DCBLD1: variants seen among roughly 807,000 people sequenced by gnomAD.
DCBLD1 encodes discoidin, CUB and LCCL domain-containing protein 1.
Under a neutral mutation model 71.5 loss-of-function variants are expected in DCBLD1, and 57 were observed. The ratio of observed to expected loss-of-function variants is 0.80; its 90% confidence interval spans 0.64 to 0.99. The LOEUF is 0.99. Ranked by LOEUF, DCBLD1 falls within the 50% of genes least tolerant of loss-of-function variation. The pLI is 0.00. For synonymous variants in DCBLD1, 380 were observed against 363.8 expected (o/e 1.04, Z -0.51); for missense variants, 891 against 923.5 (o/e 0.96, Z 0.46).
intron 4 of DCBLD1, among the ~76,000 whole-genome samples, chr6:117,522,897 C>T (rs1186088435): frequency 1.3e-5 from 2 of 152,094 alleles, no homozygotes; most frequent in Non-Finnish European, 2.9e-5. Context: ...GTAAGTGTAG[C>T]CTGGGAGTCA....
chr6:117,512,132 C>A (rs1400805391), intron 2 of DCBLD1, among the ~76,000 whole-genome samples: 2 of 152,110 alleles, frequency 1.3e-5, no homozygotes, highest in Non-Finnish European at 2.9e-5. Flanking sequence ...TCCCTGGAGA[C>A]TCACTGTGAT....
rs188591508 is a variant in DCBLD1 at position 117,549,244 on chromosome 6, G to A, written c.*805G>A. ...ACCTCAGATTAAAAATATTGCTGAG[G>A]TCAGACGCCACAATTTTCATGACTT... On this transcript the variant is annotated 3_prime_UTR_variant, in exon 15 of 15. Coordinates refer to ENST00000338728, the MANE Select transcript of DCBLD1 (RefSeq NM_001366458.2). 4.1e-6 allele frequency: 4 copies of A among 985,392 alleles called. No individual in the cohort carries two copies. Among genetic ancestry groups the A allele is most frequent in the Non-Finnish European group, 4.8e-6 (4 of 829,920 alleles). 61.0% of individuals were successfully genotyped at this position (985,392 alleles called of 1,614,324 possible). A position where few individuals can be genotyped will look rare whatever the true frequency, so the allele number is the denominator to read the frequency against.
intron 11 of DCBLD1, 42 bp downstream of exon 11, chr6:117,541,067 G>A: frequency 6.3e-7 from 1 of 1,595,620 alleles, no homozygotes; most frequent in Non-Finnish European, 8.6e-7. Flanking sequence ...GAGCATAACT[G>A]GTAACCCACC....
chr6:117,503,852 T>C lies in DCBLD1; in HGVS notation c.198T>C (p.Thr66=), dbSNP rs775329526. The change falls in exon 2 of 15, where the codon ACT becomes ACC. Residue 66 remains threonine (T), a synonymous_variant. Transcript: ENST00000338728. ...KNYPGTYPNH[T]VCEKTITVPK... ...ATCCCGGGACCTACCCCAATCACAC[T>C]GTTTGCGAAAAGACAATTACAGTAC... 1.9e-6 allele frequency: 3 copies of C among 1,614,126 alleles called. No individual in the cohort carries two copies. The highest frequency in any genetic ancestry group is 2.5e-6 in the Non-Finnish European group (3 of 1,180,008).
At chr6:117,541,675 A>G (rs1216009034) in intron 11 of DCBLD1, among the ~76,000 whole-genome samples, 1 of 152,270 alleles carries the variant, frequency 6.6e-6, no homozygotes, top group Admixed American at 6.5e-5. Flanking sequence ...GAAAGATTAG[A>G]AAAACACAAA....
chr6:117,508,300 G>A (rs915402340), intron 2 of DCBLD1, among the ~76,000 whole-genome samples: 2 of 152,100 alleles, frequency 1.3e-5, no homozygotes, highest in African/African-American at 4.8e-5. Flanking sequence ...CATTTAAGAT[G>A]ACTGCCTTGG....
chr6:117,547,504 C>T (rs1779305106), intron 14 of DCBLD1: 1 of 485,960 alleles, frequency 2.1e-6, no homozygotes, highest in Non-Finnish European at 4.2e-6. Flanking sequence ...TCCTATTAAA[C>T]AAACTACTCT....
chr6:117,561,178 C>G (rs567438230), intron 14 of DCBLD1: 309 of 223,884 alleles, frequency 1.4e-3, no homozygotes, highest in African/African-American at 6.6e-3. Context: ...TTCTATTTAT[C>G]AGTCCTTAAA....
chr6:117,516,437 C>G (rs4946261), intron 2 of DCBLD1, among the ~76,000 whole-genome samples: 5,522 of 151,934 alleles, frequency 0.036, 228 homozygotes, highest in South Asian at 0.18. Flanking sequence ...AAGTGAACAT[C>G]TTTTATTTAG....
At chr6:117,550,263 A>G (rs938295299), downstream of DCBLD1, among the ~76,000 whole-genome samples, 1 of 151,490 alleles carries the variant, frequency 6.6e-6, no homozygotes, top group Admixed American at 6.6e-5. Flanking sequence ...TTTTTTTTGG[A>G]TCATCACTTC....
chr6:117,551,038 T>G (rs546296870), downstream of DCBLD1, among the ~76,000 whole-genome samples: 1 of 152,182 alleles, frequency 6.6e-6, no homozygotes, highest in South Asian at 2.1e-4. Flanking sequence ...CCACCCACAC[T>G]GCTGTGTTCA....
At chr6:117,504,653 C>G (rs1386044882) in intron 2 of DCBLD1, among the ~76,000 whole-genome samples, 2 of 152,192 alleles carry the variant, frequency 1.3e-5, no homozygotes, top group Non-Finnish European at 2.9e-5. Flanking sequence ...GTGCAAAGGT[C>G]AGTTTCCTAA....
At chr6:117,521,327 A>C (rs978427859) in intron 3 of DCBLD1, among the ~76,000 whole-genome samples, 198 bp from the exon 4 acceptor site, 3 of 152,250 alleles carry the variant, frequency 2.0e-5, no homozygotes, top group Non-Finnish European at 4.4e-5. Flanking sequence ...CATTGGTGGC[A>C]GAAAAAAGAA....
chr6:117,525,528 T>TA (rs1778521526), intron 5 of DCBLD1, 94 bp downstream of exon 5: 2 of 933,964 alleles, frequency 2.1e-6, no homozygotes, highest in Non-Finnish European at 3.0e-6. Flanking sequence ...AAATGAGATA[T>TA]AAAACTCTAG....
intron 14 of DCBLD1, among the ~76,000 whole-genome samples, chr6:117,546,303 A>T (rs746637107): frequency 8.5e-5 from 13 of 152,162 alleles, no homozygotes; most frequent in Non-Finnish European, 1.6e-4. Context: ...TCAGATACAT[A>T]GGACTCTGTG....
intron 2 of DCBLD1, among the ~76,000 whole-genome samples, chr6:117,519,558 C>CT (rs1368971168): frequency 2.0e-5 from 3 of 152,110 alleles, no homozygotes; most frequent in African/African-American, 7.2e-5. Flanking sequence ...AAAACAAAAC[C>CT]TATCTCTTGG....
At chr6:117,496,907 G>A (rs1039292918) in intron 1 of DCBLD1, among the ~76,000 whole-genome samples, 7 of 152,258 alleles carry the variant, frequency 4.6e-5, no homozygotes, top group African/African-American at 1.4e-4. Flanking sequence ...TTATGCATGT[G>A]TATGCATATG....
Position 117,543,160 on chromosome 6 carries a change from T to C in DCBLD1, c.1394T>C (p.Leu465Pro), listed in dbSNP as rs751978265. ...ACAACGGTGGCTATTCCATTGGTGCTCCTTGTTGTCCTGGTGTTTGCTGGA... is the reference window on the plus strand; with the variant it reads ...ACAACGGTGGCTATTCCATTGGTGCCCCTTGTTGTCCTGGTGTTTGCTGGA... ...NITTVAIPLV[L>P]LVVLVFAGMG... Residue 465 changes from leucine (L) to proline (P), a missense_variant, in exon 12 of 15, where the codon CTC (leucine) becomes CCC (proline). Physicochemically the swap from Leu to Pro is moderately conservative, Grantham distance 98. Coordinates refer to ENST00000338728, the MANE Select transcript of DCBLD1 (RefSeq NM_001366458.2). 1.2e-6 allele frequency: 2 copies of C among 1,614,050 alleles called. No homozygotes were observed. The highest frequency in any genetic ancestry group is 2.2e-5 in the East Asian group (1 of 44,886).
intron 2 of DCBLD1, among the ~76,000 whole-genome samples, chr6:117,513,919 C>G (rs1473625380): frequency 3.3e-5 from 5 of 151,726 alleles, no homozygotes; most frequent in South Asian, 2.1e-4. Flanking sequence ...TGGAGAGTAC[C>G]AACAGTGAAG....
Sources: gnomAD v4.1 joint callset for allele counts (sites outside exome capture counted in the v4.1 genomes callset) on GRCh38, gnomAD v4.1.1 for gene constraint, MANE v1.5 for transcripts, NCBI Gene and HGNC (gene_info 2026-07-23, HGNC 2026-07-21) for gene names.